TMPRSS15: variants seen among roughly 807,000 people sequenced by gnomAD.
TMPRSS15 encodes the protein transmembrane serine protease 15.
TMPRSS15 carries 128 observed loss-of-function variants against 125.3 expected under a neutral mutation model. That is an observed-to-expected ratio of 1.02 (90% CI 0.89 to 1.18). The LOEUF (loss-of-function observed/expected upper bound fraction) is 1.18, where lower values mean the gene tolerates loss of function less well. Ranked by LOEUF, TMPRSS15 falls within the 50% of genes most tolerant of loss-of-function variation. TMPRSS15 has a pLI of 0.00. For synonymous variants in TMPRSS15, 446 were observed against 423.2 expected (o/e 1.05, Z -0.66); for missense variants, 1,283 against 1,212.7 (o/e 1.06, Z -0.86).
chr21:18,309,698 T>C (rs1186240853), intron 18 of TMPRSS15, among the ~76,000 whole-genome samples: 1 of 152,142 alleles, frequency 6.6e-6, no homozygotes, highest in African/African-American at 2.4e-5. Flanking sequence ...TCACTGGTCA[T>C]TGGAGAAATG....
At chr21:18,364,260 A>G (rs2075705714) in intron 7 of TMPRSS15, among the ~76,000 whole-genome samples, 1 of 152,180 alleles carries the variant, frequency 6.6e-6, no homozygotes, top group South Asian at 2.1e-4. Context: ...CCATAATCCC[A>G]TCTAGCTATT....
At chr21:18,270,838 CATT>C (rs1301601538) in intron 24 of TMPRSS15, among the ~76,000 whole-genome samples, 13 of 152,108 alleles carry the variant, frequency 8.5e-5, no homozygotes, top group Non-Finnish European at 1.0e-4. Context: ...CATATAATAT[CATT>C]ATTTAATGAC....
At chr21:18,421,210 A>G (rs566415476) in intron 1 of TMPRSS15, among the ~76,000 whole-genome samples, 13 of 152,214 alleles carry the variant, frequency 8.5e-5, no homozygotes, top group Non-Finnish European at 1.3e-4. Context: ...TGGATTCTCA[A>G]TCTTCAAATA....
chr21:18,364,461 A>G (rs1326615430), intron 7 of TMPRSS15, among the ~76,000 whole-genome samples: 1 of 152,130 alleles, frequency 6.6e-6, no homozygotes, highest in African/African-American at 2.4e-5. Flanking sequence ...TTATTTCAGG[A>G]TCTCTTATAT....
At position 18,297,196 on chromosome 21, in the gene TMPRSS15, G is replaced by T. The variant is rs113142838; in HGVS notation, c.2261+538C>A. Among the ~76,000 whole-genome samples the T allele has an allele frequency of 9.3e-3, 1,416 of 152,240 alleles. 25 individuals carry two copies. The highest frequency in any genetic ancestry group is 0.032 in the African/African-American group (1,335 of 41,544). On this transcript the variant is annotated intron_variant, in intron 19 of 24. Coordinates refer to ENST00000284885, the MANE Select transcript of TMPRSS15 (RefSeq NM_002772.3). ...GCTGCTTTTTAATACCTTAGTAAAGGCTATAAAAGTAAACCTAATATCAAA... is the reference window on the plus strand; with the variant it reads ...GCTGCTTTTTAATACCTTAGTAAAGTCTATAAAAGTAAACCTAATATCAAA...
rs376425559 is a variant in TMPRSS15, at chr21:18,353,706, A to G, written c.1021+17T>C. 2.4e-5 allele frequency: 38 copies of G among 1,604,962 alleles called. No individual in the cohort carries two copies. Among genetic ancestry groups the G allele is most frequent in the Middle Eastern group, 1.9e-4 (1 of 5,396 alleles). ...AGCATCTAAAAATTAAAAAGCCAAA[A>G]AATAAATAATACTTACTATTAAGCT... On this transcript the variant is annotated intron_variant, in intron 9 of 24. Transcript: ENST00000284885.
chr21:18,371,022 C>T (rs2075786796), intron 6 of TMPRSS15, among the ~76,000 whole-genome samples: 1 of 152,084 alleles, frequency 6.6e-6, no homozygotes, highest in African/African-American at 2.4e-5. Flanking sequence ...GCAGTTAATA[C>T]TGTTAAATAA....
intron 1 of TMPRSS15, among the ~76,000 whole-genome samples, chr21:18,414,608 T>G (rs1471765645): frequency 3.3e-5 from 5 of 152,216 alleles, no homozygotes; most frequent in African/African-American, 1.2e-4. Flanking sequence ...CATGAATTAT[T>G]TTTTCCTGTG....
intron 3 of TMPRSS15, among the ~76,000 whole-genome samples, chr21:18,392,737 C>T (rs1811659276): frequency 6.6e-6 from 1 of 152,160 alleles, no homozygotes; most frequent in African/African-American, 2.4e-5. Flanking sequence ...GTTTAATTGA[C>T]TCACAGTTCT....
chr21:18,407,786 C>T (rs1372555324), upstream of TMPRSS15, among the ~76,000 whole-genome samples: 1 of 152,096 alleles, frequency 6.6e-6, no homozygotes, highest in Non-Finnish European at 1.5e-5. Context: ...TAAACATATA[C>T]TTGAGACATT....
intron 18 of TMPRSS15, among the ~76,000 whole-genome samples, chr21:18,305,508 A>T (rs2146922358): frequency 6.6e-6 from 1 of 152,246 alleles, no homozygotes; most frequent in East Asian, 1.9e-4. Flanking sequence ...CTATAAATTT[A>T]TCCCAGGTGA....
intron 1 of TMPRSS15, among the ~76,000 whole-genome samples, chr21:18,447,861 T>G (rs2076258989): frequency 6.6e-6 from 1 of 152,104 alleles, no homozygotes; most frequent in Non-Finnish European, 1.5e-5. Context: ...AGTAGCAGCA[T>G]GAGAACAGAC....
At chr21:18,420,785 G>T (rs560497585) in intron 1 of TMPRSS15, among the ~76,000 whole-genome samples, 1 of 152,282 alleles carries the variant, frequency 6.6e-6, no homozygotes, top group South Asian at 2.1e-4. Flanking sequence ...CAGATAAGAG[G>T]TATCACTGCA....
intron 6 of TMPRSS15, among the ~76,000 whole-genome samples, chr21:18,365,643 T>TTTCCTCCCTTCCTTCC (rs2075724657): frequency 3.7e-5 from 1 of 26,776 alleles, no homozygotes; most frequent in Non-Finnish European, 8.6e-5. Flanking sequence ...TCTCTCTCTT[T>TTTCCTCCCTTCCTTCC]TTCCTCCCTT....
chr21:18,377,031 G>A (rs1472883379), intron 5 of TMPRSS15, among the ~76,000 whole-genome samples: 1 of 152,084 alleles, frequency 6.6e-6, no homozygotes, highest in African/African-American at 2.4e-5. Flanking sequence ...CTTGGAAAAT[G>A]CAGTTTTCAT....
intron 1 of TMPRSS15, among the ~76,000 whole-genome samples, chr21:18,462,298 A>G (rs1394550673): frequency 6.6e-6 from 1 of 152,148 alleles, no homozygotes; most frequent in African/African-American, 2.4e-5. Flanking sequence ...GTAAATTATA[A>G]TTAATTATAA....
chr21:18,367,381 A>G (rs776660743), intron 6 of TMPRSS15, among the ~76,000 whole-genome samples: 1 of 152,342 alleles, frequency 6.6e-6, no homozygotes, highest in East Asian at 1.9e-4. Context: ...GACTTGCTAA[A>G]TAATTTTCCA....
intron 1 of TMPRSS15, among the ~76,000 whole-genome samples, chr21:18,443,434 G>A (rs1327824587): frequency 2.0e-5 from 3 of 152,170 alleles, no homozygotes; most frequent in Admixed American, 6.5e-5. Flanking sequence ...GGACACTCAC[G>A]CTCTCCACAG....
chr21:18,290,268 T>C (rs2074817953), intron 21 of TMPRSS15, among the ~76,000 whole-genome samples: 1 of 152,182 alleles, frequency 6.6e-6, no homozygotes, highest in South Asian at 2.1e-4. Context: ...CTGTATAGTT[T>C]TAGGAACAGG....
Sources: gnomAD v4.1 joint callset for allele counts (sites outside exome capture counted in the v4.1 genomes callset) on GRCh38, gnomAD v4.1.1 for gene constraint, MANE v1.5 for transcripts, NCBI Gene and HGNC (gene_info 2026-07-23, HGNC 2026-07-21) for gene names.